PDCD10: variants seen among roughly 807,000 people sequenced by gnomAD.
PDCD10 encodes the protein programmed cell death protein 10.
PDCD10 carries 4 observed loss-of-function variants against 29.2 expected under a neutral mutation model. The ratio of observed to expected loss-of-function variants is 0.14; its 90% confidence interval spans 0.07 to 0.31. The LOEUF is 0.31. PDCD10 is among the 10% of genes least tolerant of loss of function. PDCD10 has a pLI of 1.00. For synonymous variants in PDCD10, 70 were observed against 82.2 expected, an observed-to-expected ratio of 0.85 and a Z score of 0.80; for missense variants, 183 against 257.9, an observed-to-expected ratio of 0.71 and a Z score of 1.99.
chr3:167,698,924 T>G (rs961252137), intron 4 of PDCD10, among the ~76,000 whole-genome samples: 1 of 152,314 alleles, frequency 6.6e-6, no homozygotes, highest in Non-Finnish European at 1.5e-5. Flanking sequence ...GGTCCCTAAC[T>G]TTCTCAGTTT....
At chr3:167,732,722 C>A (rs922463921) in intron 2 of PDCD10, among the ~76,000 whole-genome samples, 2 of 152,194 alleles carry the variant, frequency 1.3e-5, no homozygotes, top group Non-Finnish European at 1.5e-5. Context: ...AAGCTCTTTC[C>A]ATAATGACAG....
At chr3:167,695,477 T>C (rs1199973329) in intron 6 of PDCD10, 119 bp downstream of exon 6, 13 of 904,942 alleles carry the variant, frequency 1.4e-5, no homozygotes, top group Non-Finnish European at 2.3e-5. Flanking sequence ...ATTTAAAAAT[T>C]TGAGATTTTA....
chr3:167,729,389 T>G (rs1170645119), intron 2 of PDCD10, among the ~76,000 whole-genome samples: 3 of 152,164 alleles, frequency 2.0e-5, no homozygotes, highest in African/African-American at 7.2e-5. Flanking sequence ...TAACTACAAC[T>G]CTTAATGCTA....
chr3:167,704,826 A>T lies in PDCD10; in HGVS notation c.150+16T>A, dbSNP rs1218045250. 1.3e-6 allele frequency: 2 copies of T among 1,543,842 alleles called. No individual in the cohort carries two copies. Among genetic ancestry groups the T allele is most frequent in the East Asian group, 4.5e-5 (2 of 44,528 alleles). On this transcript the variant is annotated intron_variant, in intron 4 of 8. Coordinates refer to ENST00000392750, the MANE Select transcript of PDCD10 (RefSeq NM_007217.4). ...ACATACACTTTAATAATCATAGTAAATTATTTGCACCTCACCTTGATGAAA... is the reference window on the plus strand; with the variant it reads ...ACATACACTTTAATAATCATAGTAATTTATTTGCACCTCACCTTGATGAAA...
intron 3 of PDCD10, 38 bp downstream of exon 3, chr3:167,720,024 T>A: frequency 8.5e-7 from 1 of 1,176,706 alleles, no homozygotes; most frequent in Non-Finnish European, 1.3e-6. Flanking sequence ...AATTAAAGAA[T>A]TGCAGAGTTC....
chr3:167,689,662 T>C (rs2108381887), intron 6 of PDCD10, among the ~76,000 whole-genome samples: 1 of 151,924 alleles, frequency 6.6e-6, no homozygotes, highest in African/African-American at 2.4e-5. Context: ...AAATCTCTAT[T>C]TTAAAAGGGG....
At chr3:167,728,088 C>A (rs1724405863) in intron 2 of PDCD10, among the ~76,000 whole-genome samples, 1 of 152,158 alleles carries the variant, frequency 6.6e-6, no homozygotes, top group Non-Finnish European at 1.5e-5. Flanking sequence ...CCTCCTGTAA[C>A]CTTCACTTCG....
intron 2 of PDCD10, among the ~76,000 whole-genome samples, chr3:167,732,678 A>G (rs1724941932): frequency 6.6e-6 from 1 of 151,732 alleles, no homozygotes; most frequent in Non-Finnish European, 1.5e-5. Flanking sequence ...AATGCATTAC[A>G]TTAACTAATT....
chr3:167,687,777 TTAAG>T, intron 6 of PDCD10, 84 bp from the exon 7 acceptor site: 1 of 751,436 alleles, frequency 1.3e-6, no homozygotes, highest in South Asian at 1.4e-5. Flanking sequence ...TTGAAAGAAA[TTAAG>T]TACACTCTTA....
At chr3:167,689,050 C>T (rs755330887) in intron 6 of PDCD10, among the ~76,000 whole-genome samples, 1 of 152,114 alleles carries the variant, frequency 6.6e-6, no homozygotes, top group Non-Finnish European at 1.5e-5. Context: ...TATTACCTCT[C>T]TCAGGTCAAA....
chr3:167,698,357 T>C (rs566385366), intron 4 of PDCD10, among the ~76,000 whole-genome samples: 2 of 152,224 alleles, frequency 1.3e-5, no homozygotes, highest in East Asian at 1.9e-4. Flanking sequence ...TTTCCTTCCA[T>C]GGATATATAT....
chr3:167,730,625 G>T (rs1724711331), intron 2 of PDCD10: 1 of 152,082 alleles, frequency 6.6e-6, no homozygotes. Flanking sequence ...AGATCTTGTG[G>T]AAGAGTAAAC....
chr3:167,705,111 C>T (rs950416449), intron 3 of PDCD10, among the ~76,000 whole-genome samples: 2 of 151,856 alleles, frequency 1.3e-5, no homozygotes, highest in African/African-American at 4.8e-5. Context: ...TTAAAAGCAA[C>T]CCATATGCTT....
At chr3:167,706,052 C>G (rs1721934422) in intron 3 of PDCD10, among the ~76,000 whole-genome samples, 1 of 152,162 alleles carries the variant, frequency 6.6e-6, no homozygotes, top group African/African-American at 2.4e-5. Context: ...TGTGTGCCTT[C>G]AAGTATCAGC....
chr3:167,712,133 G>A (rs1278910881), intron 3 of PDCD10, among the ~76,000 whole-genome samples: 1 of 151,968 alleles, frequency 6.6e-6, no homozygotes, highest in Non-Finnish European at 1.5e-5. Flanking sequence ...CTGTAATTGT[G>A]GTGTGCAAGC....
intron 2 of PDCD10, among the ~76,000 whole-genome samples, chr3:167,733,922 C>G (rs978237766): frequency 2.0e-5 from 3 of 152,028 alleles, no homozygotes; most frequent in African/African-American, 7.3e-5. Context: ...TTATTTTTTC[C>G]AAAAGGATCT....
intron 2 of PDCD10, among the ~76,000 whole-genome samples, chr3:167,728,905 C>T (rs1012454125): frequency 6.6e-6 from 1 of 152,152 alleles, no homozygotes; most frequent in Non-Finnish European, 1.5e-5. Context: ...CTCCAGGGAG[C>T]GTACCTGCTT....
chr3:167,688,680 C>A (rs1165493798), intron 6 of PDCD10, among the ~76,000 whole-genome samples: 2 of 152,128 alleles, frequency 1.3e-5, no homozygotes, highest in African/African-American at 4.8e-5. Context: ...CACAGTCATT[C>A]TCTTAGCTGT....
At chr3:167,724,678 AAAAC>A (rs1302248185) in intron 2 of PDCD10, among the ~76,000 whole-genome samples, 5 of 152,220 alleles carry the variant, frequency 3.3e-5, no homozygotes, top group African/African-American at 4.8e-5. Flanking sequence ...TAGCAAAATA[AAAAC>A]AAACACAAAA....
Sources: allele counts gnomAD v4.1 joint callset (sites outside exome capture counted in the v4.1 genomes callset), GRCh38; gene constraint gnomAD v4.1.1; transcripts MANE v1.5; gene names NCBI Gene and HGNC (gene_info 2026-07-23, HGNC 2026-07-21).